Variants in IDO2 observed in about 807,000 individuals in gnomAD.
IDO2 encodes indoleamine 2,3-dioxygenase 2.
In IDO2, 46 loss-of-function variants were observed where a neutral mutation model predicts 45.1. The observed-to-expected ratio is 1.02, with a 90% CI of 0.80 to 1.30. The LOEUF (loss-of-function observed/expected upper bound fraction) is 1.30, where lower values mean the gene tolerates loss of function less well. Among genes scored for constraint, IDO2 ranks in the 50% most tolerant of loss-of-function variants. The pLI is 0.00. For synonymous variants in IDO2, 218 were observed against 184.9 expected (o/e 1.18, Z -1.45); for missense variants, 544 against 491.8 (o/e 1.11, Z -1.00).
chr8:39,967,635 C>G (rs1563429973), intron 3 of IDO2, among the ~76,000 whole-genome samples: 5 of 151,990 alleles, frequency 3.3e-5, no homozygotes, highest in Admixed American at 1.3e-4. Context: ...TTACAGGCAC[C>G]CGCCACCACA....
At chr8:39,957,516 G>A (rs910867401) in intron 2 of IDO2, among the ~76,000 whole-genome samples, 20 of 152,182 alleles carry the variant, frequency 1.3e-4, no homozygotes, top group African/African-American at 4.8e-4. Context: ...GGAGGCTGAG[G>A]TGGGAAGATT....
At chr8:39,988,629 G>A (rs1808457806) in intron 7 of IDO2, among the ~76,000 whole-genome samples, 3 of 151,944 alleles carry the variant, frequency 2.0e-5, no homozygotes, top group Admixed American at 6.6e-5. Context: ...ATGTTGGTCA[G>A]GCTGGCCTCG....
chr8:39,943,596 G>T (rs1185748183), intron 1 of IDO2, among the ~76,000 whole-genome samples: 1 of 151,950 alleles, frequency 6.6e-6, no homozygotes, highest in East Asian at 1.9e-4. Flanking sequence ...AATTAGCCGG[G>T]CGAGGTGGCT....
intron 10 of IDO2, 66 bp downstream of exon 10, chr8:40,013,779 T>TTAA (rs5891075): frequency 0.58 from 642,445 of 1,109,010 alleles, 141,292 homozygotes; most frequent in African/African-American, 0.67. Context: ...TTTTTTTTTT[T>TTAA]CCAATTGATA....
intron 9 of IDO2, among the ~76,000 whole-genome samples, chr8:40,009,806 T>C (rs896951366): frequency 6.6e-6 from 1 of 152,230 alleles, no homozygotes; most frequent in African/African-American, 2.4e-5. Context: ...TAATGTCTCT[T>C]GGCCATTTGA....
intron 8 of IDO2, among the ~76,000 whole-genome samples, chr8:39,993,410 C>T (rs1563437575): frequency 2.6e-5 from 4 of 152,054 alleles, no homozygotes; most frequent in African/African-American, 4.8e-5. Flanking sequence ...GCATTGGCAG[C>T]GTTAAGAATT....
At chr8:40,015,413 C>A (rs760459934) in exon 11 of IDO2, 3 of 1,613,968 alleles carry the variant, frequency 1.9e-6, no homozygotes, top group Admixed American at 3.3e-5. Context: ...AGCTGCGGAG[C>A]TATCACATCA....
exon 10 of IDO2, chr8:40,013,594 G>A (rs1327713464): frequency 9.9e-6 from 16 of 1,613,768 alleles, no homozygotes; most frequent in Non-Finnish European, 1.3e-5. Flanking sequence ...ATGCCTGCAG[G>A]GCTGATGTAT....
At chr8:39,967,238 G>C (rs1808099488) in intron 3 of IDO2, among the ~76,000 whole-genome samples, 2 of 152,258 alleles carry the variant, frequency 1.3e-5, no homozygotes, top group African/African-American at 4.8e-5. Context: ...AAGCAGATGG[G>C]TGGAGGAAAA....
chr8:40,004,428 TAGAG>T (rs999274061), intron 8 of IDO2, among the ~76,000 whole-genome samples: 8 of 151,966 alleles, frequency 5.3e-5, no homozygotes, highest in South Asian at 2.1e-4. Flanking sequence ...AGATGATAGA[TAGAG>T]AGATAGATAG....
At chr8:39,980,906 C>T (rs767100507) in intron 4 of IDO2, among the ~76,000 whole-genome samples, 26 of 151,844 alleles carry the variant, frequency 1.7e-4, no homozygotes, top group African/African-American at 3.4e-4. Flanking sequence ...CCTGCCGCCA[C>T]GGCCAGCTAA....
At chr8:39,958,570 T>C (rs551599019) in intron 2 of IDO2, among the ~76,000 whole-genome samples, 1 of 152,280 alleles carries the variant, frequency 6.6e-6, no homozygotes, top group South Asian at 2.1e-4. Context: ...CTAATTTTTG[T>C]ATTTTTAGTA....
At chr8:39,957,861 T>C (rs1807927023) in intron 2 of IDO2, among the ~76,000 whole-genome samples, 1 of 152,188 alleles carries the variant, frequency 6.6e-6, no homozygotes, top group Non-Finnish European at 1.5e-5. Flanking sequence ...GTTAATATTG[T>C]CACCCAAGTT....
intron 8 of IDO2, among the ~76,000 whole-genome samples, chr8:39,992,343 G>A (rs553011598): frequency 6.6e-6 from 1 of 152,284 alleles, no homozygotes; most frequent in East Asian, 1.9e-4. Context: ...ACATCAAAGA[G>A]CCATGTGGGT....
chr8:39,979,555 G>A (rs1351533304), intron 4 of IDO2, among the ~76,000 whole-genome samples: 1 of 152,106 alleles, frequency 6.6e-6, no homozygotes, highest in African/African-American at 2.4e-5. Flanking sequence ...GTTTCACCAT[G>A]TTGCCCAGGC....
intron 1 of IDO2, among the ~76,000 whole-genome samples, chr8:39,946,116 T>C (rs1334935508): frequency 6.6e-6 from 1 of 152,048 alleles, no homozygotes; most frequent in Non-Finnish European, 1.5e-5. Context: ...CTAAGATCAG[T>C]CCTTGAGATA....
intron 2 of IDO2, among the ~76,000 whole-genome samples, chr8:39,961,778 G>C (rs537774954): frequency 6.6e-6 from 1 of 152,078 alleles, no homozygotes; most frequent in Non-Finnish European, 1.5e-5. Context: ...ACTTTCACCT[G>C]CATTTCTGTT....
chr8:40,010,643 GAAATC>G (rs1802296698), intron 9 of IDO2, among the ~76,000 whole-genome samples: 1 of 152,154 alleles, frequency 6.6e-6, no homozygotes, highest in African/African-American at 2.4e-5. Context: ...GATATATACT[GAAATC>G]AAAGTTGATG....
intron 3 of IDO2, among the ~76,000 whole-genome samples, chr8:39,966,899 C>T (rs548909181): frequency 6.3e-4 from 96 of 152,254 alleles, no homozygotes; most frequent in African/African-American, 2.2e-3. Context: ...CATTCAGGAC[C>T]AATGGCCTCC....
Sources: allele counts gnomAD v4.1 joint callset (sites outside exome capture counted in the v4.1 genomes callset), GRCh38; gene constraint gnomAD v4.1.1; transcripts MANE v1.5; gene names NCBI Gene and HGNC (gene_info 2026-07-23, HGNC 2026-07-21).